EYA3: variants seen among roughly 807,000 people sequenced by gnomAD.
EYA3 encodes the protein EYA transcriptional coactivator and phosphatase 3.
A neutral mutation model predicts 80.0 loss-of-function variants in EYA3; 39 were observed. That is an observed-to-expected ratio of 0.49 (90% confidence interval 0.38 to 0.64). The LOEUF (loss-of-function observed/expected upper bound fraction) is 0.64. Ranked by LOEUF, EYA3 falls within the 30% of genes least tolerant of loss-of-function variation. The probability of loss-of-function intolerance (pLI) is 0.00; values close to 1 mark genes in which losing one functional copy is unlikely to be tolerated. For synonymous variants in EYA3, 206 were observed against 232.8 expected, an observed-to-expected ratio of 0.88 and a Z score of 1.05; for missense variants, 523 against 676.1, an observed-to-expected ratio of 0.77 and a Z score of 2.51.
intron 16 of EYA3, among the ~76,000 whole-genome samples, chr1:27,984,127 CTT>C (rs2148712736): frequency 6.6e-6 from 1 of 152,320 alleles, no homozygotes; most frequent in South Asian, 2.1e-4. Context: ...TCCTTGAACT[CTT>C]GGGCTCAAGT....
chr1:28,073,442 C>A (rs558176006), intron 1 of EYA3, among the ~76,000 whole-genome samples: 1 of 151,158 alleles, frequency 6.6e-6, no homozygotes, highest in East Asian at 2.0e-4. Context: ...GGATTACAGG[C>A]ATGTGCCACC....
chr1:27,978,425 G>T lies in EYA3; in HGVS notation c.1590C>A (p.Val530=), dbSNP rs763826315. 1.9e-6 allele frequency: 3 copies of T among 1,614,042 alleles called. No individual in the cohort carries two copies. The Admixed American group carries it at 5.0e-5, about 27-fold the overall frequency. The part of the protein sequence containing the change: ...ERIVSRFGKK[V]TYVVIGDGRD... Reference sequence around the variant, plus strand: ...GTCCATCTCCAATCACTACATATGTGACTTTCTTTCCAAACCTTGACACAA... The same window carrying T: ...GTCCATCTCCAATCACTACATATGTTACTTTCTTTCCAAACCTTGACACAA... The change falls in exon 17 of 18, where the codon GTC becomes GTA. Residue 530 remains valine, a synonymous_variant. Transcript: ENST00000373871.
rs1403010970 is a variant in EYA3 at position 27,973,047 on chromosome 1, C to G, written c.*1419G>C. The G allele has an allele frequency of 6.6e-6, 1 of 152,224 alleles. No homozygotes were observed. Among genetic ancestry groups the G allele is most frequent in the Non-Finnish European group, 1.5e-5 (1 of 68,048 alleles). The allele number at this position is 152,224 out of a possible 1,614,324, so 9.4% of individuals were successfully genotyped here. The stretch of plus-strand genomic sequence containing the variant: ...CAATGTGAAAACCTGTCTGTTTCTC[C>G]CTTCCCCCCACAATCAGCAAAGTCT... On this transcript the variant is annotated 3_prime_UTR_variant, in exon 18 of 18. Coordinates refer to ENST00000373871, the MANE Select transcript of EYA3 (RefSeq NM_001990.4).
intron 5 of EYA3, among the ~76,000 whole-genome samples, chr1:28,036,981 G>A (rs751032402): frequency 6.6e-6 from 1 of 152,162 alleles, no homozygotes; most frequent in Non-Finnish European, 1.5e-5. Flanking sequence ...AAGTCCTGGA[G>A]GGTATAGAGT....
In EYA3 at chr1:28,017,165, T is replaced by A; in HGVS notation, c.574A>T (p.Ile192Phe). 1.2e-6 allele frequency: 2 copies of A among 1,613,696 alleles called. No homozygotes were observed. The highest frequency in any genetic ancestry group is 1.7e-6 in the Non-Finnish European group (2 of 1,179,596). The change falls in exon 8 of 18, where the codon ATC becomes TTC. Residue 192 changes from isoleucine to phenylalanine, a missense_variant. Ile to Phe is a conservative substitution (Grantham distance 21). Transcript: ENST00000373871. ...AGGTAGCATCATACCTGGTTTGAGA[T>A]GCTGGCTACTGCTGCTGCTGGAATA... is the stretch of plus-strand genomic sequence containing the variant. ...ANIPAAAVASISNQDYPTYTI... is the reference protein window; with the variant it reads ...ANIPAAAVASFSNQDYPTYTI...
intron 4 of EYA3, 35 bp from the exon 5 acceptor site, chr1:28,038,940 T>G (rs753180696): frequency 6.7e-7 from 1 of 1,484,628 alleles, no homozygotes; most frequent in Admixed American, 1.8e-5. Context: ...GTTAAAAAGT[T>G]AGAACATTTC....
At position 27,974,559 on chromosome 1, in the gene EYA3, G is replaced by A. The variant is rs1432191600; in HGVS notation, c.1642-13C>T. On this transcript the variant is annotated splice_polypyrimidine_tract_variant and intron_variant, in intron 17 of 17. Transcript: ENST00000373871. ...AAGGCATGTTGTGCTGGAAGAGAGT[G>A]GGAATAGCTGGTTAATCCAACTTCT... The A allele has an allele frequency of 3.7e-6, 6 of 1,608,008 alleles. No individual in the cohort carries two copies. Among genetic ancestry groups the A allele is most frequent in the Non-Finnish European group, 5.1e-6 (6 of 1,175,626 alleles).
intron 10 of EYA3, among the ~76,000 whole-genome samples, chr1:28,007,867 T>G (rs1452084137): frequency 6.6e-6 from 1 of 152,038 alleles, no homozygotes; most frequent in Non-Finnish European, 1.5e-5. Context: ...CCAATAGTAG[T>G]TTTTTAAAAA....
At chr1:27,987,748 G>A (rs890559534) in intron 16 of EYA3, among the ~76,000 whole-genome samples, 3 of 152,078 alleles carry the variant, frequency 2.0e-5, no homozygotes, top group Non-Finnish European at 2.9e-5. Flanking sequence ...GTGCAGTGGC[G>A]CGATCTCAGC....
intron 16 of EYA3, among the ~76,000 whole-genome samples, chr1:27,981,855 A>G (rs1278033866): frequency 6.6e-6 from 1 of 151,786 alleles, no homozygotes; most frequent in Non-Finnish European, 1.5e-5. Flanking sequence ...TTACTTATTT[A>G]TGAGACAAAG....
intron 7 of EYA3, among the ~76,000 whole-genome samples, chr1:28,023,095 G>GAAA (rs77197488): frequency 0.59 from 88,461 of 149,242 alleles, 27,610 homozygotes; most frequent in Middle Eastern, 0.72. Flanking sequence ...GGGGGGGGGG[G>GAAA]AAAACCAAAA....
At chr1:28,046,405 G>A (rs967194418) in intron 3 of EYA3, among the ~76,000 whole-genome samples, 4 of 152,160 alleles carry the variant, frequency 2.6e-5, no homozygotes, top group Non-Finnish European at 4.4e-5. Context: ...ATATCCAAGA[G>A]AAGCAGATTA....
intron 14 of EYA3, among the ~76,000 whole-genome samples, chr1:27,992,490 G>T (rs915234318): frequency 3.9e-5 from 6 of 152,170 alleles, no homozygotes; most frequent in African/African-American, 1.4e-4. Flanking sequence ...ATGTGGCTGT[G>T]CTGCCTGGTT....
At chr1:27,992,750 T>C (rs1016619240) in intron 14 of EYA3, among the ~76,000 whole-genome samples, 3 of 152,232 alleles carry the variant, frequency 2.0e-5, no homozygotes, top group Non-Finnish European at 2.9e-5. Flanking sequence ...AAATTTGCAA[T>C]GTGACCATGA....
intron 1 of EYA3, among the ~76,000 whole-genome samples, chr1:28,066,202 A>C (rs1280811795): frequency 6.6e-6 from 1 of 152,168 alleles, no homozygotes; most frequent in African/African-American, 2.4e-5. Context: ...CACACTACTC[A>C]GATCAGTGCA....
chr1:28,063,045 T>C (rs921627907), intron 1 of EYA3, among the ~76,000 whole-genome samples: 2 of 148,908 alleles, frequency 1.3e-5, no homozygotes, highest in Non-Finnish European at 3.0e-5. Context: ...AAAGGTCAAA[T>C]TGTTTTCCAT....
chr1:28,073,103 T>TTCTATATATA lies in EYA3; in HGVS notation c.-68-15010_-68-15009insTATATATAGA, dbSNP rs1447435853. On this transcript the variant is annotated intron_variant, in intron 1 of 17. Coordinates refer to ENST00000373871, the MANE Select transcript of EYA3 (RefSeq NM_001990.4). ...ATCCTTTTTGGGATTGATGAAACTA[T>TTCTATATATA]TATATATATATATATATATATATAT... Among the ~76,000 whole-genome samples the TTCTATATATA allele has an allele frequency of 3.7e-4, 14 of 37,748 alleles. 2 individuals carry two copies. The highest frequency in any genetic ancestry group is 8.0e-4 in the African/African-American group (5 of 6,244). The allele number at this position is 37,748 out of a possible 152,430, so 24.8% of individuals were successfully genotyped here. A position where few individuals can be genotyped will look rare whatever the true frequency, so the allele number is the denominator to read the frequency against.
intron 8 of EYA3, among the ~76,000 whole-genome samples, chr1:28,015,031 G>T (rs1452639468): frequency 6.6e-6 from 1 of 152,218 alleles, no homozygotes; most frequent in Non-Finnish European, 1.5e-5. Context: ...GTGTATTTGT[G>T]CATGGGCAGA....
intron 7 of EYA3, among the ~76,000 whole-genome samples, chr1:28,025,855 G>C (rs1223580062): frequency 6.6e-6 from 1 of 152,178 alleles, no homozygotes; most frequent in Non-Finnish European, 1.5e-5. Flanking sequence ...CCGCCTCACA[G>C]GTTCAAGCGA....
Sources: gnomAD v4.1 joint callset for allele counts (sites outside exome capture counted in the v4.1 genomes callset) on GRCh38, gnomAD v4.1.1 for gene constraint, MANE v1.5 for transcripts, NCBI Gene and HGNC (gene_info 2026-07-23, HGNC 2026-07-21) for gene names.